The following PTPRN2 variants were observed in gnomAD, a reference collection of about 807,000 sequenced individuals.
PTPRN2 encodes the protein protein tyrosine phosphatase receptor type N2.
PTPRN2 carries 74 observed loss-of-function variants against 118.8 expected under a neutral mutation model. The observed-to-expected ratio is 0.62, with a 90% CI of 0.52 to 0.76. The LOEUF is 0.76. Among genes scored for constraint, PTPRN2 ranks in the 30% least tolerant of loss-of-function variants. PTPRN2 has a pLI of 0.00. For missense variants in PTPRN2, 1,481 were observed against 1,394.4 expected, an observed-to-expected ratio of 1.06 and a Z score of -0.99; for synonymous variants, 641 against 608.0, an observed-to-expected ratio of 1.05 and a Z score of -0.80.
At chr7:158,323,978 CAA>C (rs1421288490) in intron 2 of PTPRN2, among the ~76,000 whole-genome samples, 22 of 149,194 alleles carry the variant, frequency 1.5e-4, no homozygotes, top group Admixed American at 4.0e-4. Context: ...TACACACACA[CAA>C]GTGTGCACAC....
intron 2 of PTPRN2, among the ~76,000 whole-genome samples, chr7:158,429,072 C>G (rs1815972114): frequency 6.6e-6 from 1 of 152,202 alleles, no homozygotes; most frequent in South Asian, 2.1e-4. Flanking sequence ...CTGGCTGTCT[C>G]GCTTGCTAAA....
At chr7:157,775,606 G>A (rs1803157106) in intron 12 of PTPRN2, among the ~76,000 whole-genome samples, 1 of 152,226 alleles carries the variant, frequency 6.6e-6, no homozygotes, top group Non-Finnish European at 1.5e-5. Flanking sequence ...GCGCTCACAT[G>A]CAGGGAGTCG....
intron 11 of PTPRN2, among the ~76,000 whole-genome samples, chr7:157,993,102 A>G (rs1288468694): frequency 1.3e-5 from 2 of 152,120 alleles, no homozygotes; most frequent in African/African-American, 2.4e-5. Context: ...GGTGGCCTCT[A>G]TTGAGGTGTG....
intron 2 of PTPRN2, among the ~76,000 whole-genome samples, chr7:158,387,575 T>TGACG (rs61116708): frequency 6.6e-6 from 1 of 150,834 alleles, no homozygotes. Context: ...CCCTGTCAGC[T>TGACG]CAGCTTGGCC....
intron 11 of PTPRN2, among the ~76,000 whole-genome samples, chr7:158,012,525 T>C (rs189249114): frequency 1.4e-4 from 22 of 152,324 alleles, no homozygotes; most frequent in African/African-American, 4.6e-4. Context: ...TTGGAGTGGG[T>C]ACGGAGGCAT....
At chr7:158,522,392 C>G (rs1001989450) in intron 1 of PTPRN2, among the ~76,000 whole-genome samples, 18 of 141,908 alleles carry the variant, frequency 1.3e-4, no homozygotes, top group African/African-American at 4.0e-4. Context: ...GTCCACGTCA[C>G]AATGGTGGAC....
chr7:157,581,414 G>A (rs753361647), intron 17 of PTPRN2, among the ~76,000 whole-genome samples: 1 of 152,202 alleles, frequency 6.6e-6, no homozygotes. Flanking sequence ...GCAATGTTGC[G>A]CTTTGCTGTT....
intron 2 of PTPRN2, among the ~76,000 whole-genome samples, chr7:158,404,074 G>A (rs1813159208): frequency 6.6e-6 from 1 of 152,222 alleles, no homozygotes; most frequent in Non-Finnish European, 1.5e-5. Flanking sequence ...TTTTCCTGGT[G>A]ATTTGCAGCC....
chr7:157,941,281 G>A (rs1162690785), intron 11 of PTPRN2, among the ~76,000 whole-genome samples: 2 of 62,894 alleles, frequency 3.2e-5, no homozygotes, highest in Non-Finnish European at 5.0e-5. Context: ...CCACGACACT[G>A]CAAATCTAAC....
chr7:157,785,784 C>A lies in PTPRN2; in HGVS notation c.1789-102847G>T, dbSNP rs917172271. Among the ~76,000 whole-genome samples, 1 of 152,162 alleles carries A rather than the reference C, an allele frequency of 6.6e-6. No individual in the cohort carries two copies. Among genetic ancestry groups the A allele is most frequent in the African/African-American group, 2.4e-5 (1 of 41,442 alleles). ...CAGGTACACAGTCTAGCAGCTGCCA[C>A]GCCCGGCTGGGAGCTGAGACGCGCA... On this transcript the variant is annotated intron_variant, in intron 12 of 22. Transcript: ENST00000389418. The surrounding 1 kb of genome is among the most constrained non-coding windows in gnomAD (Gnocchi z 7.3).
chr7:157,589,027 G>A (rs187713554), intron 17 of PTPRN2, among the ~76,000 whole-genome samples: 40 of 152,206 alleles, frequency 2.6e-4, no homozygotes, highest in African/African-American at 8.2e-4. Context: ...CCTTCCCACC[G>A]TTCTACAACC....
Position 157,604,071 on chromosome 7 carries a change from G to T in PTPRN2, c.2349C>A (p.Asp783Glu). ...CCGCCTTCAGCAGGACCCGGGAGTGGTCATCTGCAAGGACACAGTGCAGGG... is the reference window on the plus strand; with the variant it reads ...CCGCCTTCAGCAGGACCCGGGAGTGTTCATCTGCAAGGACACAGTGCAGGG... ...KNRSLAVLTY[D>E]HSRVLLKAEN... The change falls in exon 16 of 23, where the codon GAC becomes GAA. Residue 783 changes from aspartate to glutamate, a missense_variant. Asp to Glu is a conservative substitution (Grantham distance 45). Transcript: ENST00000389418. 6.2e-7 allele frequency: 1 copy of T among 1,613,728 alleles called. No individual in the cohort carries two copies. Among genetic ancestry groups the T allele is most frequent in the Non-Finnish European group, 8.5e-7 (1 of 1,179,954 alleles).
intron 1 of PTPRN2, among the ~76,000 whole-genome samples, chr7:158,528,282 G>T (rs368113543): frequency 6.6e-6 from 1 of 152,156 alleles, no homozygotes; most frequent in African/African-American, 2.4e-5. Flanking sequence ...GGGGGCACCC[G>T]CCTGGGCAGC....
chr7:158,446,897 G>GCCT (rs761879052), intron 2 of PTPRN2, among the ~76,000 whole-genome samples: 4 of 152,194 alleles, frequency 2.6e-5, no homozygotes, highest in Non-Finnish European at 4.4e-5. Context: ...CCGGCCTGCA[G>GCCT]CCTCCTAGCT....
At chr7:158,500,676 G>A (rs1213445558) in intron 1 of PTPRN2, among the ~76,000 whole-genome samples, 3 of 152,234 alleles carry the variant, frequency 2.0e-5, no homozygotes, top group Non-Finnish European at 4.4e-5. Flanking sequence ...CCACAAAAAC[G>A]TCCACCCGCT....
At position 157,690,521 on chromosome 7, in the gene PTPRN2, C is replaced by T. The variant is rs1172688946; in HGVS notation, c.1789-7584G>A. On this transcript the variant is annotated intron_variant, in intron 12 of 22. Coordinates refer to ENST00000389418, the MANE Select transcript of PTPRN2 (RefSeq NM_002847.5). The surrounding 1 kb of genome is among the most constrained non-coding windows in gnomAD (Gnocchi z 7.1). The stretch of plus-strand genomic sequence containing the variant: ...AGGGCCCACCCAACCGCACTACGAG[C>T]GCCCGCGCCCCGCCCGGCACCCCTG... Among the ~76,000 whole-genome samples the T allele has an allele frequency of 6.6e-6, 1 of 152,034 alleles. No individual in the cohort carries two copies. The highest frequency in any genetic ancestry group is 1.5e-5 in the Non-Finnish European group (1 of 67,966).
At chr7:158,537,751 C>T (rs1168571026) in intron 1 of PTPRN2, 1 of 152,356 alleles carries the variant, frequency 6.6e-6, no homozygotes, top group Non-Finnish European at 1.5e-5. Context: ...AAACTCGATT[C>T]CTTGCATATA....
At chr7:157,576,929 C>T (rs1393414319) in intron 18 of PTPRN2, 150 bp from the exon 19 acceptor site, 2 of 738,848 alleles carry the variant, frequency 2.7e-6, no homozygotes, top group Non-Finnish European at 2.1e-6. Context: ...GTTCCCTCGG[C>T]TTCGCGGCCC....
chr7:158,351,267 G>T (rs775794363), intron 2 of PTPRN2, among the ~76,000 whole-genome samples: 1 of 152,126 alleles, frequency 6.6e-6, no homozygotes, highest in Non-Finnish European at 1.5e-5. Context: ...GGACTCACCC[G>T]CTGGCACCAT....
Sources: allele counts gnomAD v4.1 joint callset (sites outside exome capture counted in the v4.1 genomes callset), GRCh38; gene constraint gnomAD v4.1.1; non-coding constraint Gnocchi (gnomAD v3.1); transcripts MANE v1.5; gene names NCBI Gene and HGNC (gene_info 2026-07-23, HGNC 2026-07-21).